The following SORL1-AS1 variants were observed in gnomAD, a reference collection of about 807,000 sequenced individuals.
The protein encoded by SORL1-AS1 is lncRNA 51 A.
Position 121,452,565 on chromosome 11 carries a change from G to T in SORL1-AS1, n.339+110C>A. ...GCCGCGCGGACGAGAAGCCGCTCCG[G>T]AGGAAACGGAGCGCTGCCCTGCAGC... is the stretch of plus-strand genomic sequence containing the variant. On this transcript the variant is annotated intron_variant and non_coding_transcript_variant, in intron 1 of 1. Transcript: ENST00000501964. This position sits in a 1 kb window ranked among gnomAD's most constrained non-coding sequence, Gnocchi z 5.3. The T allele has an allele frequency of 2.0e-6, 3 of 1,517,562 alleles. No homozygotes were observed. The highest frequency in any genetic ancestry group is 8.8e-7 in the Non-Finnish European group (1 of 1,140,338). The allele number at this position is 1,517,562 out of a possible 1,614,324, so 94.0% of individuals were successfully genotyped here.
At chr11:121,444,762 G>GT (rs543126173), downstream of SORL1-AS1, among the ~76,000 whole-genome samples, 185 of 152,332 alleles carry the variant, frequency 1.2e-3, no homozygotes, top group African/African-American at 4.2e-3. Context: ...TTGGCAGACT[G>GT]TAAGTATTCC....
At chr11:121,440,674 C>T in the SORL1-AS1 span, among the ~76,000 whole-genome samples, 8,412 of 152,242 alleles carry the variant, frequency 0.055, 689 homozygotes, top group African/African-American at 0.18. Flanking sequence ...CATTCAAGAG[C>T]GGTCCCTTTC....
chr11:121,446,239 T>C (rs1439632359), downstream of SORL1-AS1, among the ~76,000 whole-genome samples: 1 of 152,166 alleles, frequency 6.6e-6, no homozygotes. Context: ...AGGAGATAAG[T>C]ACCAAAATCG....
At chr11:121,446,777 T>C (rs1591537379), downstream of SORL1-AS1, among the ~76,000 whole-genome samples, 1 of 149,564 alleles carries the variant, frequency 6.7e-6, no homozygotes, top group Non-Finnish European at 1.5e-5. Flanking sequence ...AAAAGGAAAG[T>C]ATCCAGGAGA....
exon 2 of SORL1-AS1, chr11:121,448,425 T>C (rs1860750427): frequency 6.6e-6 from 1 of 152,134 alleles, no homozygotes. Context: ...GCTGGTGAGG[T>C]CAATGGTAGT....
chr11:121,442,360 C>T (rs779963130), downstream of SORL1-AS1, among the ~76,000 whole-genome samples: 5 of 152,098 alleles, frequency 3.3e-5, no homozygotes, highest in East Asian at 3.9e-4. Context: ...TGGGGCTGGG[C>T]GAAGTGGCTC....
rs1230490942 is a variant in SORL1-AS1, at chr11:121,452,381, C to T, written n.339+294G>A. The T allele has an allele frequency of 1.3e-6, 2 of 1,552,310 alleles. No homozygotes were observed. The highest frequency in any genetic ancestry group is 1.4e-5 in the African/African-American group (1 of 70,258). ...GAGTCGCGACTCCCGTTCCTATTCA[C>T]CCTGGTCGCACTGCTGCCGCCCGGA... On this transcript the variant is annotated intron_variant and non_coding_transcript_variant, in intron 1 of 1. Coordinates refer to ENST00000501964, the Ensembl canonical transcript of SORL1-AS1. This position sits in a 1 kb window ranked among gnomAD's most constrained non-coding sequence, Gnocchi z 5.3.
In SORL1-AS1 at chr11:121,452,550, C is replaced by T; in HGVS notation, n.339+125G>A. 6.7e-7 allele frequency: 1 copy of T among 1,503,318 alleles called. No individual in the cohort carries two copies. Among genetic ancestry groups the T allele is most frequent in the African/African-American group, 1.4e-5 (1 of 69,432 alleles). 93.1% of individuals were successfully genotyped at this position (1,503,318 alleles called of 1,614,324 possible). A position where few individuals can be genotyped will look rare whatever the true frequency, so the allele number is the denominator to read the frequency against. On this transcript the variant is annotated intron_variant and non_coding_transcript_variant, in intron 1 of 1. Coordinates refer to ENST00000501964, the Ensembl canonical transcript of SORL1-AS1. This position sits in a 1 kb window ranked among gnomAD's most constrained non-coding sequence, Gnocchi z 5.3. Reference sequence around the variant, plus strand: ...ATGCCAGGGGGGCGAGCCGCGCGGACGAGAAGCCGCTCCGGAGGAAACGGA... The same window carrying T: ...ATGCCAGGGGGGCGAGCCGCGCGGATGAGAAGCCGCTCCGGAGGAAACGGA...
exon 2 of SORL1-AS1, chr11:121,448,141 G>T (rs1413555098): frequency 1.3e-5 from 2 of 152,240 alleles, no homozygotes; most frequent in Admixed American, 1.3e-4. Flanking sequence ...AAGGGTTGCT[G>T]TGCGATGGAA....
At position 121,452,171 on chromosome 11, in the gene SORL1-AS1, TG is replaced by T; in HGVS notation, n.339+503del. 4.7e-6 allele frequency: 1 copy of T among 211,884 alleles called. No individual in the cohort carries two copies. The highest frequency in any genetic ancestry group is 8.0e-6 in the Non-Finnish European group (1 of 124,236). 13.1% of individuals were successfully genotyped at this position (211,884 alleles called of 1,614,324 possible). ...GCGCCGCGCCGAACCGAGCGGGACC[TG>T]GCGGCAGCGGCGGCGGGCGCAGCGG... On this transcript the variant is annotated intron_variant and non_coding_transcript_variant, in intron 1 of 1. Coordinates refer to ENST00000501964, the Ensembl canonical transcript of SORL1-AS1. This position sits in a 1 kb window ranked among gnomAD's most constrained non-coding sequence, Gnocchi z 5.3.
downstream of SORL1-AS1, among the ~76,000 whole-genome samples, chr11:121,445,110 G>A (rs769173724): frequency 1.3e-5 from 2 of 152,166 alleles, no homozygotes; most frequent in South Asian, 4.1e-4. Flanking sequence ...TTTATGTGGA[G>A]CCTCATTAAA....
chr11:121,452,940 T>G lies in SORL1-AS1; in HGVS notation n.74A>C, dbSNP rs1247974971. 2 of 277,614 alleles carry G rather than the reference T, an allele frequency of 7.2e-6. No individual in the cohort carries two copies. Among genetic ancestry groups the G allele is most frequent in the Non-Finnish European group, 6.7e-6 (1 of 148,732 alleles). 17.2% of individuals were successfully genotyped at this position (277,614 alleles called of 1,614,324 possible). A position where few individuals can be genotyped will look rare whatever the true frequency, so the allele number is the denominator to read the frequency against. On this transcript the variant is annotated non_coding_transcript_exon_variant, in exon 1 of 2. Transcript: ENST00000501964. This position sits in a 1 kb window ranked among gnomAD's most constrained non-coding sequence, Gnocchi z 5.3. ...TTTTACATCTGGATAAAAAACGGGC[T>G]TTCTTTAGTGTATCATCAGTTGGCA...
the SORL1-AS1 span, among the ~76,000 whole-genome samples, chr11:121,441,983 T>C: frequency 1.3e-5 from 2 of 152,198 alleles, no homozygotes; most frequent in Non-Finnish European, 2.9e-5. Flanking sequence ...TATATTGCAA[T>C]TGACCTAGAT....
chr11:121,443,722 T>C (rs574962896), downstream of SORL1-AS1, among the ~76,000 whole-genome samples: 10 of 152,344 alleles, frequency 6.6e-5, no homozygotes, highest in African/African-American at 2.2e-4. Context: ...TCATGTACAT[T>C]TGAATCAGAA....
At chr11:121,439,344 TTTATGTTC>T in the SORL1-AS1 span, among the ~76,000 whole-genome samples, 2 of 152,030 alleles carry the variant, frequency 1.3e-5, no homozygotes, top group Non-Finnish European at 2.9e-5. Context: ...GAGCATCTTT[TTTATGTTC>T]TCATTGGCCA....
At chr11:121,446,678 G>T (rs949797781), downstream of SORL1-AS1, among the ~76,000 whole-genome samples, 11 of 151,986 alleles carry the variant, frequency 7.2e-5, no homozygotes, top group East Asian at 1.9e-4. Flanking sequence ...TTGAACTCAG[G>T]GGGTGGAGGT....
chr11:121,449,802 C>G (rs549675020), exon 2 of SORL1-AS1: 2 of 152,194 alleles, frequency 1.3e-5, no homozygotes, highest in Non-Finnish European at 2.9e-5. Context: ...GTCCCCACAG[C>G]TAGAAAGTCA....
chr11:121,452,259 A>G lies in SORL1-AS1; in HGVS notation n.339+416T>C. The G allele has an allele frequency of 7.9e-7, 1 of 1,268,720 alleles. No homozygotes were observed. Among genetic ancestry groups the G allele is most frequent in the East Asian group, 3.2e-5 (1 of 31,306 alleles). 78.6% of individuals were successfully genotyped at this position (1,268,720 alleles called of 1,614,324 possible). Reference sequence around the variant, plus strand: ...GGAGCGGCGCGCGCGGTCCCGGCCCAGCGGCTCTCCTGGCCTCGCGCTGCA... The same window carrying G: ...GGAGCGGCGCGCGCGGTCCCGGCCCGGCGGCTCTCCTGGCCTCGCGCTGCA... On this transcript the variant is annotated intron_variant and non_coding_transcript_variant, in intron 1 of 1. Transcript: ENST00000501964. The surrounding 1 kb of genome is among the most constrained non-coding windows in gnomAD (Gnocchi z 5.3).
At chr11:121,445,232 AG>A (rs1463254920), downstream of SORL1-AS1, among the ~76,000 whole-genome samples, 4 of 152,312 alleles carry the variant, frequency 2.6e-5, no homozygotes, top group East Asian at 7.7e-4. Flanking sequence ...GCGCACAGTG[AG>A]GGGCGTGATC....
Sources: gnomAD v4.1 joint callset for allele counts (sites outside exome capture counted in the v4.1 genomes callset) on GRCh38, gnomAD v4.1.1 for gene constraint, Gnocchi (gnomAD v3.1) non-coding constraint, MANE v1.5 for transcripts, NCBI Gene and HGNC (gene_info 2026-07-23, HGNC 2026-07-21) for gene names.